TCP11: variants seen among roughly 807,000 people sequenced by gnomAD.
TCP11 encodes the protein T-complex protein 11 homolog.
TCP11 carries 34 observed loss-of-function variants against 45.0 expected under a neutral mutation model. The observed-to-expected ratio is 0.76, with a 90% CI of 0.57 to 1.01. The LOEUF is 1.01. Ranked by LOEUF, TCP11 falls within the 50% of genes least tolerant of loss-of-function variation. TCP11 has a pLI of 0.00. For missense variants in TCP11, 523 were observed against 598.1 expected (o/e 0.87, Z 1.31); for synonymous variants, 227 against 227.0 (o/e 1.00, Z 0.00).
rs766969561 is a variant in TCP11, at chr6:35,122,382, C to G, written c.358-45G>C. ...AAAGGAGTTGATCTGTTTAGATCCCCAAACTTTATCCAATGGGCAATCCCT... is the reference window on the plus strand; with the variant it reads ...AAAGGAGTTGATCTGTTTAGATCCCGAAACTTTATCCAATGGGCAATCCCT... On this transcript the variant is annotated intron_variant, in intron 4 of 9. Transcript: ENST00000311875. The G allele has an allele frequency of 3.8e-6, 6 of 1,571,440 alleles. No individual in the cohort carries two copies. The East Asian group carries it at 1.1e-4, about 29-fold the overall frequency.
intron 3 of TCP11, among the ~76,000 whole-genome samples, chr6:35,135,116 C>A (rs1457818260): frequency 6.7e-6 from 1 of 149,540 alleles, no homozygotes; most frequent in Non-Finnish European, 1.5e-5. Flanking sequence ...CATTGCACTC[C>A]AGCCTGGGCA....
chr6:35,119,093 C>A, intron 9 of TCP11, 135 bp downstream of exon 9: 1 of 1,172,860 alleles, frequency 8.5e-7, no homozygotes, highest in Non-Finnish European at 1.2e-6. Flanking sequence ...TGATTTCAAC[C>A]CAGCATTTTG....
chr6:35,136,295 C>T (rs7756026), intron 2 of TCP11, 77 bp from the exon 3 acceptor site: 21,674 of 1,081,154 alleles, frequency 0.02, 604 homozygotes, highest in African/African-American at 0.13. Flanking sequence ...CTAGTAGGCC[C>T]CAAATTTAGA....
rs753438444 is a variant in TCP11 at position 35,118,274 on chromosome 6, CAG to C, written c.1505_1506del (p.Ser502CysfsTer61). On this transcript the variant is annotated frameshift_variant, in exon 10 of 10. Transcript: ENST00000311875. LOFTEE classifies it high-confidence loss of function. ...AGGGCTCTGAGCCGACGCTATCAAA[CAG>C]ACTCCACTTTTGTTTCCAGTGCCTG... ...PAQALETKVESV is the reference protein window; with the variant it reads ...PAQALETKVEXV 6.2e-7 allele frequency: 1 copy of C among 1,614,100 alleles called. No individual in the cohort carries two copies. The highest frequency in any genetic ancestry group is 1.1e-5 in the South Asian group (1 of 91,076).
chr6:35,138,142 T>C (rs888011663), intron 2 of TCP11, among the ~76,000 whole-genome samples: 1 of 152,176 alleles, frequency 6.6e-6, no homozygotes, highest in African/African-American at 2.4e-5. Flanking sequence ...TTGGTGGGAA[T>C]GTAAATTAGT....
chr6:35,124,340 G>A (rs1388727626), intron 4 of TCP11, among the ~76,000 whole-genome samples: 1 of 152,128 alleles, frequency 6.6e-6, no homozygotes, highest in Non-Finnish European at 1.5e-5. Flanking sequence ...TAGCAAATAA[G>A]GGTGCTGTAC....
At chr6:35,140,399 C>T in intron 2 of TCP11, 1 of 532,334 alleles carries the variant, frequency 1.9e-6, no homozygotes, top group Non-Finnish European at 3.4e-6. Context: ...TGAGAAAACC[C>T]AATTCCCGTC....
Position 35,140,098 on chromosome 6 carries a change from C to T in TCP11, c.124+649G>A, listed in dbSNP as rs1259519071. ...GTTAACCAGCAGCGACCTCATGTGG[C>T]CACAAGAAAAACCAATCTAATTCAG... is the stretch of plus-strand genomic sequence containing the variant. On this transcript the variant is annotated intron_variant, in intron 2 of 9. Transcript: ENST00000311875. 7.4e-6 allele frequency: 12 copies of T among 1,613,870 alleles called. 1 individual carries two copies. In the South Asian group the frequency reaches 1.3e-4, roughly 18 times the overall value.
intron 3 of TCP11, among the ~76,000 whole-genome samples, chr6:35,129,885 T>C (rs1225106287): frequency 6.6e-6 from 1 of 152,108 alleles, no homozygotes; most frequent in African/African-American, 2.4e-5. Context: ...AGCAAATCTC[T>C]TGCCCCTGCC....
At chr6:35,131,706 T>C (rs74769066) in intron 3 of TCP11, among the ~76,000 whole-genome samples, 6,520 of 152,302 alleles carry the variant, frequency 0.043, 295 homozygotes, top group East Asian at 0.23. Context: ...TACTGTATGA[T>C]TCCAACAATA....
In TCP11 at chr6:35,120,027, A is replaced by C. The variant is rs1382202271; in HGVS notation, c.1115+132T>G. On this transcript the variant is annotated intron_variant, in intron 8 of 9. Transcript: ENST00000311875. This position sits in a 1 kb window ranked among gnomAD's most constrained non-coding sequence, Gnocchi z 4.9. Reference sequence around the variant, plus strand: ...TCATGACCACTTATGGAAAGAAACCAACAATCTTTGTAGATGGTTCCACAG... The same window carrying C: ...TCATGACCACTTATGGAAAGAAACCCACAATCTTTGTAGATGGTTCCACAG... 1.6e-6 allele frequency: 2 copies of C among 1,218,514 alleles called. No individual in the cohort carries two copies. The highest frequency in any genetic ancestry group is 3.1e-5 in the African/African-American group (2 of 65,444). 75.5% of individuals were successfully genotyped at this position (1,218,514 alleles called of 1,614,324 possible). A position where few individuals can be genotyped will look rare whatever the true frequency, so the allele number is the denominator to read the frequency against.
At chr6:35,129,316 T>G in intron 3 of TCP11, 134 bp from the exon 4 acceptor site, 1 of 1,139,572 alleles carries the variant, frequency 8.8e-7, no homozygotes, top group Non-Finnish European at 1.2e-6. Context: ...AGGAACTATG[T>G]TGGAACTGCA....
rs531286543 is a variant in TCP11, at chr6:35,122,450, AGTTGGGTCCC to A, written c.358-123_358-114del. 7.6e-4 allele frequency: 714 copies of A among 942,184 alleles called. 4 individuals carry two copies. The African/African-American group carries it at 9.8e-3, about 13-fold the overall frequency. 58.4% of individuals were successfully genotyped at this position (942,184 alleles called of 1,614,324 possible). A position where few individuals can be genotyped will look rare whatever the true frequency, so the allele number is the denominator to read the frequency against. ...AGCCTATGTTTTTTAAGGATCAAGAAGTTGGGTCCCTAAATTTCCCATGGAATATTATTTA... is the reference window on the plus strand; with the variant it reads ...AGCCTATGTTTTTTAAGGATCAAGAATAAATTTCCCATGGAATATTATTTA... On this transcript the variant is annotated intron_variant, in intron 4 of 9. Transcript: ENST00000311875.
At position 35,140,765 on chromosome 6, in the gene TCP11, A is replaced by G; in HGVS notation, c.106T>C (p.Ser36Pro). 1 of 1,529,590 alleles carries G rather than the reference A, an allele frequency of 6.5e-7. No homozygotes were observed. Among genetic ancestry groups the G allele is most frequent in the Non-Finnish European group, 8.7e-7 (1 of 1,143,236 alleles). 94.8% of individuals were successfully genotyped at this position (1,529,590 alleles called of 1,614,324 possible). The change falls in exon 2 of 10, where the codon TCC (serine) becomes CCC (proline). Residue 36 changes from serine to proline, a missense_variant. Ser to Pro is a moderately conservative substitution (Grantham distance 74, BLOSUM62 -1). Coordinates refer to ENST00000311875, the MANE Select transcript of TCP11 (RefSeq NM_001370687.1). ...GACCTACAGGGAGGGGGGTCCTCGG[A>G]GCCGCTCTTGTCTTCCTGGGGGGGT... ...SGPPQEDKSG[S>P]EDPPPFLSVT...
intron 2 of TCP11, chr6:35,137,570 A>G (rs528975315): frequency 2.2e-4 from 38 of 174,740 alleles, no homozygotes; most frequent in African/African-American, 8.6e-4. Context: ...TTCACTAAAT[A>G]GTGCTAAGAA....
Position 35,133,354 on chromosome 6 carries a change from A to T in TCP11, c.236+2753T>A, listed in dbSNP as rs554436315. Reference sequence around the variant, plus strand: ...ACCACATTTTGCTAATTAAAAAAAAATTTTTTTTTGTAGAGACGAGGTCTC... The same window carrying T: ...ACCACATTTTGCTAATTAAAAAAAATTTTTTTTTTGTAGAGACGAGGTCTC... On this transcript the variant is annotated intron_variant, in intron 3 of 9. Transcript: ENST00000311875. Among the ~76,000 whole-genome samples the T allele has an allele frequency of 6.0e-3, 909 of 151,454 alleles. 2 individuals carry two copies. The highest frequency in any genetic ancestry group is 9.1e-3 in the Non-Finnish European group (619 of 67,758).
At chr6:35,126,406 G>A (rs1779825498) in intron 4 of TCP11, among the ~76,000 whole-genome samples, 1 of 152,132 alleles carries the variant, frequency 6.6e-6, no homozygotes, top group South Asian at 2.1e-4. Flanking sequence ...GCTGTCCTGG[G>A]TCTTTGCCTA....
intron 2 of TCP11, chr6:35,140,242 A>G (rs755054589): frequency 1.3e-6 from 2 of 1,494,844 alleles, no homozygotes; most frequent in South Asian, 2.4e-5. Flanking sequence ...ATTAAGAGAA[A>G]TACAGCATGA....
Position 35,118,467 on chromosome 6 carries a change from C to T in TCP11, c.1314G>A (p.Leu438=). 2.5e-6 allele frequency: 4 copies of T among 1,614,030 alleles called. No individual in the cohort carries two copies. Among genetic ancestry groups the T allele is most frequent in the Non-Finnish European group, 2.5e-6 (3 of 1,180,008 alleles). The change falls in exon 10 of 10, where the codon TTG becomes TTA. Residue 438 remains leucine, a synonymous_variant. Coordinates refer to ENST00000311875, the MANE Select transcript of TCP11 (RefSeq NM_001370687.1). ...ATAGAGACCGCTGCACACCAAGAAC[C>T]AAACAGCATTTGAGAAACAAATGGA... ...QRIHLFLKCC[L]VLGVQRSLLD...
Sources: allele counts gnomAD v4.1 joint callset (sites outside exome capture counted in the v4.1 genomes callset), GRCh38; gene constraint gnomAD v4.1.1; non-coding constraint Gnocchi (gnomAD v3.1); transcripts MANE v1.5; gene names NCBI Gene and HGNC (gene_info 2026-07-23, HGNC 2026-07-21).